The following DLGAP2 variants were observed in gnomAD, a reference collection of about 807,000 sequenced individuals.
The protein encoded by DLGAP2 is DLG associated protein 2.
In DLGAP2, 26 loss-of-function variants were observed where a neutral mutation model predicts 100.3. The observed-to-expected ratio is 0.26, with a 90% CI of 0.19 to 0.36. The LOEUF is 0.36. Among genes scored for constraint, DLGAP2 ranks in the 10% least tolerant of loss-of-function variants. DLGAP2 has a pLI of 1.00. For synonymous variants in DLGAP2, 886 were observed against 630.1 expected (o/e 1.41, Z -6.08); for missense variants, 1,858 against 1,453.2 (o/e 1.28, Z -4.53).
At chr8:802,222 A>G (rs1451360585) in intron 1 of DLGAP2, among the ~76,000 whole-genome samples, 4 of 148,308 alleles carry the variant, frequency 2.7e-5, no homozygotes, top group African/African-American at 7.5e-5. Context: ...CTCCATCCTC[A>G]TGGCCTGGGG....
intron 1 of DLGAP2, among the ~76,000 whole-genome samples, chr8:902,961 G>A (rs1798291076): frequency 1.6e-5 from 1 of 62,202 alleles, no homozygotes; most frequent in Non-Finnish European, 3.4e-5. Flanking sequence ...CGGGGGCGGT[G>A]GAACGTGTTC....
At chr8:1,507,745 A>T (rs1414290473) in intron 4 of DLGAP2, among the ~76,000 whole-genome samples, 1 of 141,026 alleles carries the variant, frequency 7.1e-6, no homozygotes, top group Non-Finnish European at 1.5e-5. Context: ...TCGTTCACCC[A>T]GGTCCTCAGC....
At chr8:948,046 A>T (rs1235544274) in intron 2 of DLGAP2, among the ~76,000 whole-genome samples, 2 of 80,668 alleles carry the variant, frequency 2.5e-5, no homozygotes, top group South Asian at 7.8e-4. Context: ...GTGCGTCATG[A>T]CCCCACCGCG....
chr8:1,430,007 C>CATATATAT (rs60682299), intron 3 of DLGAP2, among the ~76,000 whole-genome samples: 14 of 54,378 alleles, frequency 2.6e-4, no homozygotes, highest in Non-Finnish European at 4.3e-4. Flanking sequence ...CATATATATA[C>CATATATAT]ATATATATAT....
chr8:1,215,310 A>T (rs980882067), intron 2 of DLGAP2, among the ~76,000 whole-genome samples: 1 of 152,250 alleles, frequency 6.6e-6, no homozygotes, highest in Non-Finnish European at 1.5e-5. Context: ...GCACCTTCTG[A>T]GCATGATCAT....
At chr8:839,104 G>T (rs959331989) in intron 1 of DLGAP2, among the ~76,000 whole-genome samples, 5 of 152,124 alleles carry the variant, frequency 3.3e-5, no homozygotes, top group Non-Finnish European at 7.3e-5. Context: ...GTGAGGAGGG[G>T]GAGAAAAGGG....
At chr8:935,999 A>C (rs1382555460) in intron 2 of DLGAP2, among the ~76,000 whole-genome samples, 1 of 152,206 alleles carries the variant, frequency 6.6e-6, no homozygotes, top group Non-Finnish European at 1.5e-5. Context: ...CAGAGTAGGA[A>C]GTTCATTAAA....
Position 1,704,448 on chromosome 8 carries a change from G to A in DLGAP2, c.*3042G>A, listed in dbSNP as rs543963920. On this transcript the variant is annotated 3_prime_UTR_variant, in exon 15 of 15. Coordinates refer to ENST00000637795, the MANE Select transcript of DLGAP2 (RefSeq NM_001346810.2). ...ATAAACAGGACCTAGCGTTTAGCCC[G>A]GGAAAGGAGAATGCTGCTTGTCACC... 16 of 152,326 alleles carry A rather than the reference G, an allele frequency of 1.1e-4. No homozygotes were observed. The highest frequency in any genetic ancestry group is 3.4e-3 in the Middle Eastern group (1 of 294). 9.4% of individuals were successfully genotyped at this position (152,326 alleles called of 1,614,324 possible). A position where few individuals can be genotyped will look rare whatever the true frequency, so the allele number is the denominator to read the frequency against.
intron 2 of DLGAP2, among the ~76,000 whole-genome samples, chr8:1,182,496 C>G (rs1385799067): frequency 6.6e-6 from 1 of 152,016 alleles, no homozygotes; most frequent in East Asian, 1.9e-4. Flanking sequence ...AATTGTGTCA[C>G]TAGGAAATGA....
At chr8:927,617 C>T (rs971063355) in intron 2 of DLGAP2, among the ~76,000 whole-genome samples, 7 of 152,214 alleles carry the variant, frequency 4.6e-5, no homozygotes, top group Admixed American at 3.3e-4. Flanking sequence ...ACAGGAGAAT[C>T]GTGGGGCCCA....
At chr8:880,277 A>T (rs1797762552) in intron 1 of DLGAP2, among the ~76,000 whole-genome samples, 1 of 152,038 alleles carries the variant, frequency 6.6e-6, no homozygotes, top group African/African-American at 2.4e-5. Flanking sequence ...TATTCTCCTC[A>T]TGCACACACT....
In DLGAP2 at chr8:1,334,876, C is replaced by T. The variant is rs73170465; in HGVS notation, c.106+75993C>T. On this transcript the variant is annotated intron_variant, in intron 3 of 14. Transcript: ENST00000637795. The stretch of plus-strand genomic sequence containing the variant: ...GTCTTGCCTCTCTCGCCTCTTTCCT[C>T]TGAATGTTCTTTCTTCTCCTCCCCG... Among the ~76,000 whole-genome samples the T allele has an allele frequency of 9.2e-3, 1,397 of 152,318 alleles. 10 individuals carry two copies. Among genetic ancestry groups the T allele is most frequent in the Middle Eastern group, 0.02 (6 of 294 alleles).
intron 1 of DLGAP2, among the ~76,000 whole-genome samples, chr8:901,497 G>A (rs970777357): frequency 6.6e-6 from 1 of 152,230 alleles, no homozygotes; most frequent in Non-Finnish European, 1.5e-5. Flanking sequence ...CCTTGAGTGT[G>A]AGGGGCAGAG....
chr8:1,696,517 G>A (rs1357141006), intron 13 of DLGAP2, among the ~76,000 whole-genome samples: 3 of 152,136 alleles, frequency 2.0e-5, no homozygotes, highest in African/African-American at 7.2e-5. Context: ...ATACATAAAT[G>A]TAGGCAGCTG....
At chr8:1,228,622 G>T (rs1246075859) in intron 2 of DLGAP2, among the ~76,000 whole-genome samples, 1 of 152,146 alleles carries the variant, frequency 6.6e-6, no homozygotes, top group Non-Finnish European at 1.5e-5. Flanking sequence ...AGGATTTCAA[G>T]TTTGTTTTGA....
chr8:1,525,614 G>A (rs927167563), intron 4 of DLGAP2, among the ~76,000 whole-genome samples: 14 of 152,208 alleles, frequency 9.2e-5, no homozygotes, highest in Admixed American at 4.6e-4. Context: ...TGTGCGAATC[G>A]CAGAAAGAAT....
At chr8:919,958 C>T (rs1259690608) in intron 2 of DLGAP2, among the ~76,000 whole-genome samples, 1 of 152,176 alleles carries the variant, frequency 6.6e-6, no homozygotes, top group Non-Finnish European at 1.5e-5. Flanking sequence ...ATTGGGGTCC[C>T]CAGGAGCACC....
intron 2 of DLGAP2, among the ~76,000 whole-genome samples, chr8:921,604 C>G (rs767245500): frequency 6.6e-6 from 1 of 152,244 alleles, no homozygotes; most frequent in Admixed American, 6.5e-5. Context: ...TCCCGTGTCC[C>G]TTCTGCCTGG....
chr8:1,145,261 C>T (rs990406440), intron 2 of DLGAP2, among the ~76,000 whole-genome samples: 1 of 152,114 alleles, frequency 6.6e-6, no homozygotes, highest in Non-Finnish European at 1.5e-5. Flanking sequence ...CATCCGGAAA[C>T]ACAACTCCCA....
Sources: gnomAD v4.1 joint callset for allele counts (sites outside exome capture counted in the v4.1 genomes callset) on GRCh38, gnomAD v4.1.1 for gene constraint, MANE v1.5 for transcripts, NCBI Gene and HGNC (gene_info 2026-07-23, HGNC 2026-07-21) for gene names.